The following ZFPM2 variants were observed in gnomAD, a reference collection of about 807,000 sequenced individuals.
ZFPM2 encodes zinc finger protein, FOG family member 2.
In ZFPM2, 20 loss-of-function variants were observed where a neutral mutation model predicts 98.6. The ratio of observed to expected loss-of-function variants is 0.20; its 90% CI spans 0.14 to 0.29. ZFPM2 has a LOEUF of 0.29. Among genes scored for constraint, ZFPM2 ranks in the 10% least tolerant of loss-of-function variants. The probability of loss-of-function intolerance (pLI) is 1.00; values close to 1 mark genes in which losing one functional copy is unlikely to be tolerated. For synonymous variants in ZFPM2, 518 were observed against 502.7 expected, an observed-to-expected ratio of 1.03 and a Z score of -0.41; for missense variants, 1,310 against 1,388.6, an observed-to-expected ratio of 0.94 and a Z score of 0.90.
chr8:105,505,222 G>A (rs1411861721), intron 3 of ZFPM2, among the ~76,000 whole-genome samples: 1 of 152,160 alleles, frequency 6.6e-6, no homozygotes, highest in African/African-American at 2.4e-5. Context: ...TGTAATTTAA[G>A]GAGCAAACTT....
chr8:105,538,100 T>A (rs1418021786), intron 3 of ZFPM2, among the ~76,000 whole-genome samples: 1 of 152,168 alleles, frequency 6.6e-6, no homozygotes, highest in Non-Finnish European at 1.5e-5. Context: ...TTCTTAATAG[T>A]TTTGGTAATG....
chr8:105,669,220 A>T (rs1817543205), intron 5 of ZFPM2, among the ~76,000 whole-genome samples: 1 of 152,042 alleles, frequency 6.6e-6, no homozygotes, highest in South Asian at 2.1e-4. Flanking sequence ...CTCCCCATGG[A>T]TATAGACAGT....
At chr8:105,501,583 A>T (rs2130473082) in intron 3 of ZFPM2, among the ~76,000 whole-genome samples, 2 of 150,644 alleles carry the variant, frequency 1.3e-5, no homozygotes, top group African/African-American at 2.4e-5. Context: ...GGCTTGTTGC[A>T]ACCTCTGCCA....
intron 5 of ZFPM2, among the ~76,000 whole-genome samples, chr8:105,658,477 A>G (rs1271408785): frequency 1.1e-5 from 1 of 88,652 alleles, no homozygotes; most frequent in Non-Finnish European, 2.2e-5. Flanking sequence ...AGTCCCAGCT[A>G]CTCGGGAGGC....
intron 4 of ZFPM2, among the ~76,000 whole-genome samples, chr8:105,574,579 C>A (rs1306373109): frequency 6.6e-6 from 1 of 152,044 alleles, no homozygotes; most frequent in Non-Finnish European, 1.5e-5. Flanking sequence ...GTGAATAAGG[C>A]AGTCATAATG....
At chr8:105,599,672 T>C (rs764462897) in intron 4 of ZFPM2, among the ~76,000 whole-genome samples, 6 of 152,114 alleles carry the variant, frequency 3.9e-5, no homozygotes, top group Non-Finnish European at 7.4e-5. Context: ...AGCACAGCCA[T>C]GGAGGCTATT....
chr8:105,767,281 T>C (rs2131083533), intron 5 of ZFPM2, among the ~76,000 whole-genome samples: 1 of 152,078 alleles, frequency 6.6e-6, no homozygotes, highest in East Asian at 1.9e-4. Flanking sequence ...ACGCAAAATA[T>C]TCATTTCATT....
At chr8:105,611,599 G>A (rs1455693486) in intron 4 of ZFPM2, among the ~76,000 whole-genome samples, 1 of 152,040 alleles carries the variant, frequency 6.6e-6, no homozygotes, top group Non-Finnish European at 1.5e-5. Flanking sequence ...ACAGAGATGG[G>A]AGAAGGCTGA....
At chr8:105,331,233 T>G (rs1346097977) in intron 1 of ZFPM2, among the ~76,000 whole-genome samples, 1 of 151,080 alleles carries the variant, frequency 6.6e-6, no homozygotes, top group Non-Finnish European at 1.5e-5. Flanking sequence ...TGATCAACAA[T>G]TCTTACAAAT....
At chr8:105,586,760 AT>A (rs1397427585) in intron 4 of ZFPM2, among the ~76,000 whole-genome samples, 2 of 151,754 alleles carry the variant, frequency 1.3e-5, no homozygotes, top group African/African-American at 4.8e-5. Flanking sequence ...ATATCAAAGC[AT>A]ACCTGAAAAT....
intron 5 of ZFPM2, among the ~76,000 whole-genome samples, chr8:105,721,430 T>A (rs1811660693): frequency 6.6e-6 from 1 of 151,996 alleles, no homozygotes; most frequent in Non-Finnish European, 1.5e-5. Context: ...TCCATATTTA[T>A]AATTCCACAA....
At chr8:105,527,597 T>C (rs1814202242) in intron 3 of ZFPM2, among the ~76,000 whole-genome samples, 1 of 152,202 alleles carries the variant, frequency 6.6e-6, no homozygotes, top group Non-Finnish European at 1.5e-5. Context: ...GAATGCCCTT[T>C]TTGTAGGCTT....
In ZFPM2 at chr8:105,785,122, G is replaced by T. The variant is rs181002325; in HGVS notation, c.533-3596G>T. ...ACTCTCCCTGGGTTACCACATGAATGCAGAGAGCATCCATGGTCAATTAGA... is the reference window on the plus strand; with the variant it reads ...ACTCTCCCTGGGTTACCACATGAATTCAGAGAGCATCCATGGTCAATTAGA... On this transcript the variant is annotated intron_variant, in intron 5 of 7. Transcript: ENST00000407775. 11 of 152,208 alleles carry T rather than the reference G, an allele frequency of 7.2e-5. 1 individual carries two copies. The highest frequency in any genetic ancestry group is 6.2e-4 in the South Asian group (3 of 4,816). The allele number at this position is 152,208 out of a possible 1,614,324, so 9.4% of individuals were successfully genotyped here. A position where few individuals can be genotyped will look rare whatever the true frequency, so the allele number is the denominator to read the frequency against.
chr8:105,395,724 G>C (rs558467156), intron 1 of ZFPM2, among the ~76,000 whole-genome samples: 1 of 152,118 alleles, frequency 6.6e-6, no homozygotes, highest in African/African-American at 2.4e-5. Context: ...TGCTACATTC[G>C]TAACATAATT....
chr8:105,515,911 C>CTTTTTTTTTTTTTTTTTTTTTTTTT (rs34183654), intron 3 of ZFPM2, among the ~76,000 whole-genome samples: 1 of 89,282 alleles, frequency 1.1e-5, no homozygotes, highest in African/African-American at 4.7e-5. Context: ...AAAACAACTT[C>CTTTTTTTTTTTTTTTTTTTTTTTTT]TTTTTTTTTT....
At chr8:105,646,889 C>A (rs1423894862) in intron 5 of ZFPM2, among the ~76,000 whole-genome samples, 1 of 152,084 alleles carries the variant, frequency 6.6e-6, no homozygotes, top group Non-Finnish European at 1.5e-5. Context: ...TGAGCCTGTG[C>A]CCCTGGATCT....
chr8:105,803,422 G>A lies in ZFPM2; in HGVS notation c.3340G>A (p.Ala1114Thr). 1 of 1,613,848 alleles carries A rather than the reference G, an allele frequency of 6.2e-7. No individual in the cohort carries two copies. Among genetic ancestry groups the A allele is most frequent in the South Asian group, 1.1e-5 (1 of 91,074 alleles). ...AAAAGGTGTGAATGGTTCCAGCCAG[G>A]CTCCAACCAGTGGGAAATATTGCCG... is the stretch of plus-strand genomic sequence containing the variant. ...IAKGVNGSSQ[A>T]PTSGKYCRLC... The change falls in exon 8 of 8, where the codon GCT becomes ACT. Residue 1114 changes from alanine (A) to threonine (T), a missense_variant. Coordinates refer to ENST00000407775, the MANE Select transcript of ZFPM2 (RefSeq NM_012082.4).
At chr8:105,534,818 TGGA>T (rs1391506966) in intron 3 of ZFPM2, among the ~76,000 whole-genome samples, 1 of 152,176 alleles carries the variant, frequency 6.6e-6, no homozygotes, top group Non-Finnish European at 1.5e-5. Flanking sequence ...CTGTGAGTAC[TGGA>T]GGAGATGATG....
chr8:105,601,810 G>GA (rs796449605), intron 4 of ZFPM2, among the ~76,000 whole-genome samples: 71 of 152,194 alleles, frequency 4.7e-4, no homozygotes, highest in African/African-American at 1.7e-3. Context: ...AATGTATTAA[G>GA]AACTCTTTGC....
Sources: gnomAD v4.1 joint callset for allele counts (sites outside exome capture counted in the v4.1 genomes callset) on GRCh38, gnomAD v4.1.1 for gene constraint, MANE v1.5 for transcripts, NCBI Gene and HGNC (gene_info 2026-07-23, HGNC 2026-07-21) for gene names.